The following EGFR variants were observed in gnomAD, a reference collection of about 807,000 sequenced individuals.
The protein encoded by EGFR is epidermal growth factor receptor, also known as avian erythroblastic leukemia viral (v-erb-b) oncogene homolog.
A neutral mutation model predicts 143.0 loss-of-function variants in EGFR; 58 were observed. The observed-to-expected ratio is 0.41, with a 90% CI of 0.33 to 0.50. The LOEUF is 0.50. EGFR is among the 20% of genes least tolerant of loss of function. EGFR has a pLI of 0.39. For missense variants in EGFR, 1,307 were observed against 1,579.0 expected (o/e 0.83, Z 2.92); for synonymous variants, 613 against 594.4 (o/e 1.03, Z -0.45).
rs55920948 is a variant in EGFR, at chr7:55,203,429, G to GAC, written c.3271+807_3271+808dup. 6.7e-4 allele frequency among the ~76,000 whole-genome samples: 100 copies of GAC among 148,872 alleles called. 1 individual carries two copies. The highest frequency in any genetic ancestry group is 2.2e-3 in the African/African-American group (89 of 40,258). ...ACACGTACACACAACACACAACACA[G>GAC]ACACGTACACACACTACAGACATGT... On this transcript the variant is annotated intron_variant, in intron 27 of 27. Coordinates refer to ENST00000275493, the MANE Select transcript of EGFR (RefSeq NM_005228.5).
In EGFR at chr7:55,208,682, A is replaced by G. The variant is rs1388281444; in HGVS notation, c.*3065A>G. On this transcript the variant is annotated 3_prime_UTR_variant, in exon 28 of 28. Coordinates refer to ENST00000275493, the MANE Select transcript of EGFR (RefSeq NM_005228.5). ...AGGGGGAGCACTGTGGATGCATCCT[A>G]TTGCACTCCAGCTGATGACACCAAA... 6.6e-6 allele frequency: 1 copy of G among 152,038 alleles called. No individual in the cohort carries two copies. Among genetic ancestry groups the G allele is most frequent in the Non-Finnish European group, 1.5e-5 (1 of 68,022 alleles). 9.4% of individuals were successfully genotyped at this position (152,038 alleles called of 1,614,324 possible).
At chr7:55,098,008 T>C (rs761427734) in intron 1 of EGFR, among the ~76,000 whole-genome samples, 1 of 152,188 alleles carries the variant, frequency 6.6e-6, no homozygotes, top group African/African-American at 2.4e-5. Context: ...AATTAAAATA[T>C]AATGAAAAAT....
At chr7:55,094,372 C>T (rs1015746529) in intron 1 of EGFR, among the ~76,000 whole-genome samples, 14 of 152,330 alleles carry the variant, frequency 9.2e-5, no homozygotes, top group African/African-American at 3.4e-4. Context: ...GCAGGGGGGG[C>T]CTCACTGTGC....
chr7:55,079,421 G>C (rs1405539637), intron 1 of EGFR, among the ~76,000 whole-genome samples: 1 of 152,184 alleles, frequency 6.6e-6, no homozygotes, highest in Non-Finnish European at 1.5e-5. Flanking sequence ...AAAAAGAAAT[G>C]GACTGTGTTA....
chr7:55,091,453 A>G (rs1304515408), intron 1 of EGFR, among the ~76,000 whole-genome samples: 15 of 152,202 alleles, frequency 9.9e-5, no homozygotes, highest in Admixed American at 2.0e-4. Context: ...GGCGGGGGCC[A>G]CATCTGGGTG....
intron 27 of EGFR, among the ~76,000 whole-genome samples, chr7:55,204,397 T>A (rs1788012381): frequency 7.2e-6 from 1 of 139,434 alleles, no homozygotes; most frequent in Non-Finnish European, 1.5e-5. Flanking sequence ...CATAAACATA[T>A]AGACATATAC....
At chr7:55,023,309 G>C (rs1786679340) in intron 1 of EGFR, among the ~76,000 whole-genome samples, 1 of 152,140 alleles carries the variant, frequency 6.6e-6, no homozygotes, top group Non-Finnish European at 1.5e-5. Flanking sequence ...CAAAGTTTTA[G>C]AATATGGTTC....
intron 1 of EGFR, among the ~76,000 whole-genome samples, chr7:55,028,675 A>G (rs571010808): frequency 6.6e-6 from 1 of 152,336 alleles, no homozygotes; most frequent in East Asian, 1.9e-4. Context: ...TAAACTAGAC[A>G]AACTATTTTA....
intron 1 of EGFR, among the ~76,000 whole-genome samples, chr7:55,030,319 C>T (rs1787178637): frequency 6.6e-6 from 1 of 152,160 alleles, no homozygotes; most frequent in Non-Finnish European, 1.5e-5. Flanking sequence ...GCTTAATGTC[C>T]CTCACAATTT....
intron 20 of EGFR, among the ~76,000 whole-genome samples, chr7:55,185,779 C>T (rs1002137724): frequency 6.6e-5 from 10 of 152,230 alleles, no homozygotes; most frequent in Non-Finnish European, 8.8e-5. Context: ...CTGGCTTACA[C>T]ATGGCACTCT....
At chr7:55,051,820 T>G (rs554419547) in intron 1 of EGFR, among the ~76,000 whole-genome samples, 1 of 152,316 alleles carries the variant, frequency 6.6e-6, no homozygotes, top group South Asian at 2.1e-4. Flanking sequence ...ACTGCTTAGT[T>G]TCTCAAACTG....
At chr7:55,048,060 A>C (rs1341225648) in intron 1 of EGFR, among the ~76,000 whole-genome samples, 1 of 152,198 alleles carries the variant, frequency 6.6e-6, no homozygotes, top group East Asian at 1.9e-4. Flanking sequence ...ATAGTGCTCA[A>C]ATATATTAGT....
At position 55,152,652 on chromosome 7, in the gene EGFR, G is replaced by C. The variant is rs1785217553; in HGVS notation, c.735G>C (p.Glu245Asp). Residue 245 changes from glutamate (E) to aspartate (D), a missense_variant, in exon 6 of 28, where the codon GAG (glutamate) becomes GAC (aspartate). Physicochemically the swap from Glu to Asp is conservative, Grantham distance 45. Around this residue, in one of 7 missense-constraint regions of EGFR, gnomAD observed 311 missense variants for 412.3 expected, o/e 0.75. Coordinates refer to ENST00000275493, the MANE Select transcript of EGFR (RefSeq NM_005228.5). The stretch of plus-strand genomic sequence containing the variant: ...CTGCAGGCTGCACAGGCCCCCGGGA[G>C]AGCGACTGCCTGGTAAGATGCCCCT... Reference protein sequence around the residue: ...QCAAGCTGPRESDCLVCRKFR... With the variant: ...QCAAGCTGPRDSDCLVCRKFR... The C allele has an allele frequency of 1.2e-6, 2 of 1,613,530 alleles. No individual in the cohort carries two copies. The highest frequency in any genetic ancestry group is 1.7e-6 in the Non-Finnish European group (2 of 1,179,960).
chr7:55,172,725 G>T, intron 16 of EGFR: 1 of 817,100 alleles, frequency 1.2e-6, no homozygotes, highest in Non-Finnish European at 1.9e-6. Context: ...CTCATTATAT[G>T]GAGAGGTCCA....
At chr7:55,182,925 T>C in intron 20 of EGFR, among the ~76,000 whole-genome samples, 1 of 152,198 alleles carries the variant, frequency 6.6e-6, no homozygotes, top group East Asian at 1.9e-4. Flanking sequence ...GTTATTTCTG[T>C]GTGTGGCTGC....
intron 1 of EGFR, among the ~76,000 whole-genome samples, chr7:55,108,350 C>G (rs17289392): frequency 1.3e-5 from 2 of 152,196 alleles, no homozygotes; most frequent in Non-Finnish European, 2.9e-5. Context: ...CCCTGGGTGC[C>G]GGTGTGCAGA....
chr7:55,167,883 A>G (rs1298811942), intron 15 of EGFR, among the ~76,000 whole-genome samples: 1 of 152,216 alleles, frequency 6.6e-6, no homozygotes, highest in Admixed American at 6.5e-5. Context: ...AGACATAATG[A>G]CAGTGGACAT....
chr7:55,174,981 C>G (rs1013759152), intron 19 of EGFR, among the ~76,000 whole-genome samples, 161 bp downstream of exon 19: 7 of 152,176 alleles, frequency 4.6e-5, no homozygotes, highest in African/African-American at 1.7e-4. Flanking sequence ...GTATAACTCC[C>G]TCCCCTTAGA....
intron 20 of EGFR, among the ~76,000 whole-genome samples, chr7:55,190,241 G>T (rs1040086742): frequency 2.0e-5 from 3 of 152,068 alleles, no homozygotes; most frequent in Non-Finnish European, 4.4e-5. Flanking sequence ...AAGCACTAAC[G>T]TCCAGCAGCA....
Sources: allele counts gnomAD v4.1 joint callset (sites outside exome capture counted in the v4.1 genomes callset), GRCh38; gene constraint gnomAD v4.1.1; regional missense constraint gnomAD v4.1.1; transcripts MANE v1.5; gene names NCBI Gene and HGNC (gene_info 2026-07-23, HGNC 2026-07-21).